The following ANKRD50 variants were observed in gnomAD, a reference collection of about 807,000 sequenced individuals.
ANKRD50 encodes ankyrin repeat domain 50.
A neutral mutation model predicts 112.0 loss-of-function variants in ANKRD50; 40 were observed. The ratio of observed to expected loss-of-function variants is 0.36; its 90% CI spans 0.28 to 0.46. The LOEUF is 0.46. Ranked by LOEUF, ANKRD50 falls within the 20% of genes least tolerant of loss-of-function variation. The probability of loss-of-function intolerance (pLI) is 1.00; values close to 1 mark genes in which losing one functional copy is unlikely to be tolerated. For synonymous variants in ANKRD50, 613 were observed against 619.1 expected (o/e 0.99, Z 0.15); for missense variants, 1,487 against 1,701.7 (o/e 0.87, Z 2.22).
chr4:124,670,056 G>C lies in ANKRD50; in HGVS notation c.3221C>G (p.Ala1074Gly). The change falls in exon 4 of 5, where the codon GCT becomes GGT. Residue 1074 changes from alanine (A) to glycine (G), a missense_variant. Around this residue, in one of 2 missense-constraint regions of ANKRD50, gnomAD observed 441 missense variants for 432.2 expected, o/e 1.02. Transcript: ENST00000504087. ...LLEHGADPNH[A>G]DQFGRTAMRV... Reference sequence around the variant, plus strand: ...CATAGCAGTGCGTCCAAATTGATCAGCATGGTTTGGATCAGCACCATGCTC... The same window carrying C: ...CATAGCAGTGCGTCCAAATTGATCACCATGGTTTGGATCAGCACCATGCTC... The C allele has an allele frequency of 6.2e-7, 1 of 1,612,536 alleles. No individual in the cohort carries two copies. Among genetic ancestry groups the C allele is most frequent in the Non-Finnish European group, 8.5e-7 (1 of 1,179,558 alleles).
rs1251655132 is a variant in ANKRD50, at chr4:124,678,756, T to G, written c.662A>C (p.His221Pro). ...SGTVAALLAG[H>P]HEFFPPWLLL... The stretch of plus-strand genomic sequence containing the variant: ...TAGCCATGGTGGAAAGAACTCATGG[T>G]GACCAGCTAAAAGTGCTGCAACAGT... Residue 221 changes from histidine (H) to proline (P), a missense_variant, in exon 3 of 5, where the codon CAC (histidine) becomes CCC (proline). His to Pro is a moderately conservative substitution (Grantham distance 77, BLOSUM62 -2). This residue lies in a region of ANKRD50 where 1,046 missense variants were observed against 1,269.5 expected (regional missense o/e 0.82). Coordinates refer to ENST00000504087, the MANE Select transcript of ANKRD50 (RefSeq NM_020337.3). The G allele has an allele frequency of 3.1e-6, 5 of 1,613,822 alleles. No individual in the cohort carries two copies. Among genetic ancestry groups the G allele is most frequent in the Non-Finnish European group, 8.5e-7 (1 of 1,179,838 alleles).
chr4:124,705,033 G>A (rs1725472572), intron 2 of ANKRD50, among the ~76,000 whole-genome samples: 1 of 152,132 alleles, frequency 6.6e-6, no homozygotes, highest in South Asian at 2.1e-4. Flanking sequence ...GGCGGAGCTT[G>A]TAGTGAGCCA....
chr4:124,664,071 A>C lies in ANKRD50; in HGVS notation c.*3447T>G, dbSNP rs757943680. On this transcript the variant is annotated 3_prime_UTR_variant, in exon 5 of 5. Transcript: ENST00000504087. ...AGTTTACTGAGTGAAGAAACACACA[A>C]ATTTTATTTAGAAAATGAATGACCA... 4.6e-5 allele frequency: 7 copies of C among 151,968 alleles called. No individual in the cohort carries two copies. Among genetic ancestry groups the C allele is most frequent in the Non-Finnish European group, 8.8e-5 (6 of 67,940 alleles). The allele number at this position is 151,968 out of a possible 1,614,324, so 9.4% of individuals were successfully genotyped here. A position where few individuals can be genotyped will look rare whatever the true frequency, so the allele number is the denominator to read the frequency against.
chr4:124,682,322 CAAAAAAAAAAAAAA>C (rs36107017), intron 2 of ANKRD50, among the ~76,000 whole-genome samples: 7 of 87,586 alleles, frequency 8.0e-5, no homozygotes, highest in African/African-American at 9.0e-5. Flanking sequence ...GACTCCGTCT[CAAAAAAAAAAAAAA>C]AAAAAAAAAA....
In ANKRD50 at chr4:124,676,508, A is replaced by G. The variant is rs577120368; in HGVS notation, c.742+2168T>C. ...AGAGTAATAGTACACAGACATATCT[A>G]TATGTACACACACCCAAACTTAATG... On this transcript the variant is annotated intron_variant, in intron 3 of 4. Coordinates refer to ENST00000504087, the MANE Select transcript of ANKRD50 (RefSeq NM_020337.3). Among the ~76,000 whole-genome samples, 200 of 151,756 alleles carry G rather than the reference A, an allele frequency of 1.3e-3. 2 individuals carry two copies. The highest frequency in any genetic ancestry group is 0.01 in the Middle Eastern group (3 of 294).
chr4:124,695,034 A>C (rs1316828335), intron 2 of ANKRD50, among the ~76,000 whole-genome samples: 1 of 152,208 alleles, frequency 6.6e-6, no homozygotes, highest in East Asian at 1.9e-4. Flanking sequence ...ATTTTTTTAA[A>C]AAGAAATTAT....
At chr4:124,676,779 T>C (rs1031109791) in intron 3 of ANKRD50, among the ~76,000 whole-genome samples, 1 of 151,566 alleles carries the variant, frequency 6.6e-6, no homozygotes, top group African/African-American at 2.4e-5. Flanking sequence ...AGAAAATAGT[T>C]GCAAAGAATT....
rs147697881 is a variant in ANKRD50 at position 124,684,486 on chromosome 4, T to C, written c.513-5581A>G. Among the ~76,000 whole-genome samples, 535 of 152,302 alleles carry C rather than the reference T, an allele frequency of 3.5e-3. 12 individuals carry two copies. The East Asian group carries it at 0.05, about 14-fold the overall frequency. On this transcript the variant is annotated intron_variant, in intron 2 of 4. Transcript: ENST00000504087. ...TCCTCCTGCACATACATGGCTCATC[T>C]GTGTGACTCATTCTGCCTTCCCCTC...
chr4:124,669,495 C>G lies in ANKRD50; in HGVS notation c.3782G>C (p.Ser1261Thr), dbSNP rs1455450383. The change falls in exon 4 of 5, where the codon AGT (serine) becomes ACT (threonine). Residue 1261 changes from serine to threonine, a missense_variant. Transcript: ENST00000504087. ...TTTACTTGCTTTAGTTGACTTCAAA[C>G]TGGGCTTTACTTGACTCCACTCAAA... ...SEFEWSQVKP[S>T]LKSTKASKGG... is the part of the protein sequence containing the mutation. The G allele has an allele frequency of 7.4e-6, 12 of 1,612,824 alleles. No individual in the cohort carries two copies. The highest frequency in any genetic ancestry group is 1.0e-5 in the Non-Finnish European group (12 of 1,179,660).
At chr4:124,691,214 C>A (rs577602271) in intron 2 of ANKRD50, among the ~76,000 whole-genome samples, 1 of 152,112 alleles carries the variant, frequency 6.6e-6, no homozygotes, top group Non-Finnish European at 1.5e-5. Flanking sequence ...GAGAACAGGC[C>A]GGGCGTGGTG....
chr4:124,705,083 G>C (rs1009473612), intron 2 of ANKRD50, among the ~76,000 whole-genome samples: 2 of 146,732 alleles, frequency 1.4e-5, no homozygotes, highest in African/African-American at 5.2e-5. Context: ...AACAGAGCAA[G>C]ACTCCATCTC....
intron 2 of ANKRD50, among the ~76,000 whole-genome samples, chr4:124,690,142 T>C (rs147898683): frequency 3.3e-5 from 5 of 152,342 alleles, no homozygotes; most frequent in African/African-American, 9.6e-5. Context: ...AAAATTCATG[T>C]GTCATTAAGA....
Position 124,710,684 on chromosome 4 carries a change from G to C in ANKRD50, c.-173C>G. ...AACAGAACGTGCATGACTTTATTTGGTTCCTTATTCTTGATCAGCAGTCTA... is the reference window on the plus strand; with the variant it reads ...AACAGAACGTGCATGACTTTATTTGCTTCCTTATTCTTGATCAGCAGTCTA... On this transcript the variant is annotated 5_prime_UTR_variant, in exon 2 of 5. Transcript: ENST00000504087. 2 of 779,470 alleles carry C rather than the reference G, an allele frequency of 2.6e-6. No homozygotes were observed. Among genetic ancestry groups the C allele is most frequent in the Non-Finnish European group, 4.0e-6 (2 of 493,956 alleles). 48.3% of individuals were successfully genotyped at this position (779,470 alleles called of 1,614,324 possible).
chr4:124,703,745 T>C (rs750391328), intron 2 of ANKRD50, among the ~76,000 whole-genome samples: 1 of 151,956 alleles, frequency 6.6e-6, no homozygotes, highest in Non-Finnish European at 1.5e-5. Flanking sequence ...AAACATCCCA[T>C]ACTCAACTTG....
Position 124,671,070 on chromosome 4 carries a change from T to C in ANKRD50, c.2207A>G (p.Asp736Gly), listed in dbSNP as rs754011039. The C allele has an allele frequency of 1.7e-5, 28 of 1,613,658 alleles. No individual in the cohort carries two copies. In the Admixed American group the frequency reaches 4.7e-4, roughly 27 times the overall value. The change falls in exon 4 of 5, where the codon GAT (aspartate) becomes GGT (glycine). Residue 736 changes from aspartate to glycine, a missense_variant. Physicochemically the swap from Asp to Gly is moderately conservative, Grantham distance 94 (BLOSUM62 -1). This residue lies in a region of ANKRD50 where 1,046 missense variants were observed against 1,269.5 expected (regional missense o/e 0.82). Coordinates refer to ENST00000504087, the MANE Select transcript of ANKRD50 (RefSeq NM_020337.3). The stretch of plus-strand genomic sequence containing the variant: ...ACAATGATCTACTTCAGCACCTCGA[T>C]CAATTAAAAGGCTAACAACTGATGC... ...GHASVVSLLI[D>G]RGAEVDHCDK...
chr4:124,679,294 G>T (rs1223039932), intron 2 of ANKRD50, among the ~76,000 whole-genome samples: 2 of 151,998 alleles, frequency 1.3e-5, no homozygotes, highest in Non-Finnish European at 2.9e-5. Context: ...ACAAACTCTG[G>T]GGATCACCTT....
In ANKRD50 at chr4:124,668,994, G is replaced by A; in HGVS notation, c.4283C>T (p.Pro1428Leu). The A allele has an allele frequency of 6.2e-7, 1 of 1,600,658 alleles. No homozygotes were observed. The highest frequency in any genetic ancestry group is 8.5e-7 in the Non-Finnish European group (1 of 1,176,670). ...TTGACAAAATATTACCTTTTATAAT[G>A]GTGTTTCCTTTTTATAGTTGAAGCT... ...DPSFNYKKET[P>L]L The change falls in exon 4 of 5, where the codon CCA becomes CTA. Residue 1428 changes from proline to leucine, a missense_variant. By Grantham distance (98) the Pro-to-Leu change is moderately conservative. Around this residue, in one of 2 missense-constraint regions of ANKRD50, gnomAD observed 441 missense variants for 432.2 expected, o/e 1.02. Coordinates refer to ENST00000504087, the MANE Select transcript of ANKRD50 (RefSeq NM_020337.3).
At chr4:124,679,301 C>T (rs1724818386) in intron 2 of ANKRD50, among the ~76,000 whole-genome samples, 1 of 152,082 alleles carries the variant, frequency 6.6e-6, no homozygotes, top group African/African-American at 2.4e-5. Flanking sequence ...CTGGGGATCA[C>T]CTTAATAAAA....
chr4:124,680,619 A>T (rs1285402109), intron 2 of ANKRD50, among the ~76,000 whole-genome samples: 1 of 152,198 alleles, frequency 6.6e-6, no homozygotes, highest in Non-Finnish European at 1.5e-5. Context: ...ATGGCTGATG[A>T]AAAATCAGTA....
Sources: allele counts gnomAD v4.1 joint callset (sites outside exome capture counted in the v4.1 genomes callset), GRCh38; gene constraint gnomAD v4.1.1; regional missense constraint gnomAD v4.1.1; transcripts MANE v1.5; gene names NCBI Gene and HGNC (gene_info 2026-07-23, HGNC 2026-07-21).